Variants in AGPAT4 observed in about 807,000 individuals in gnomAD.
AGPAT4 encodes 1-acyl-sn-glycerol-3-phosphate acyltransferase delta.
Under a neutral mutation model 48.0 loss-of-function variants are expected in AGPAT4, and 15 were observed. The observed-to-expected ratio is 0.31, with a 90% CI of 0.21 to 0.48. The LOEUF is 0.48. Among genes scored for constraint, AGPAT4 ranks in the 20% least tolerant of loss-of-function variants. The pLI, the probability that AGPAT4 is intolerant of heterozygous loss-of-function variation, is 0.99. For missense variants in AGPAT4, 314 were observed against 482.5 expected, an observed-to-expected ratio of 0.65 and a Z score of 3.27; for synonymous variants, 178 against 198.7, an observed-to-expected ratio of 0.90 and a Z score of 0.88.
At chr6:161,209,143 G>T (rs528874257) in intron 2 of AGPAT4, among the ~76,000 whole-genome samples, 1 of 152,186 alleles carries the variant, frequency 6.6e-6, no homozygotes, top group Non-Finnish European at 1.5e-5. Context: ...ATTCCTCATC[G>T]AAGTGGAACT....
chr6:161,261,471 T>C lies in AGPAT4; in HGVS notation c.-90+12467A>G, dbSNP rs1183225498. 1.3e-5 allele frequency among the ~76,000 whole-genome samples: 2 copies of C among 152,162 alleles called. No individual in the cohort carries two copies. Among genetic ancestry groups the C allele is most frequent in the African/African-American group, 4.8e-5 (2 of 41,432 alleles). On this transcript the variant is annotated intron_variant, in intron 1 of 8. Transcript: ENST00000320285. This position sits in a 1 kb window ranked among gnomAD's most constrained non-coding sequence, Gnocchi z 5.3. Reference sequence around the variant, plus strand: ...GGTTAATAAATATCCATAGAATGAATGAACTGAATGGTCAGTCACATTCAC... The same window carrying C: ...GGTTAATAAATATCCATAGAATGAACGAACTGAATGGTCAGTCACATTCAC...
rs769346863 is a variant in AGPAT4, at chr6:161,222,722, G to C, written c.178+9314C>G. Among the ~76,000 whole-genome samples, 5 of 152,162 alleles carry C rather than the reference G, an allele frequency of 3.3e-5. No homozygotes were observed. The highest frequency in any genetic ancestry group is 7.3e-5 in the Non-Finnish European group (5 of 68,036). Reference sequence around the variant, plus strand: ...GGGATGGATACTTGGAGCCCATCTAGTGAGAGGGTCAATGGCTGCAAGTTG... The same window carrying C: ...GGGATGGATACTTGGAGCCCATCTACTGAGAGGGTCAATGGCTGCAAGTTG... On this transcript the variant is annotated intron_variant, in intron 2 of 8. Transcript: ENST00000320285. The surrounding 1 kb of genome is among the most constrained non-coding windows in gnomAD (Gnocchi z 5.9).
At chr6:161,194,635 T>G (rs1781020319) in intron 2 of AGPAT4, among the ~76,000 whole-genome samples, 1 of 151,358 alleles carries the variant, frequency 6.6e-6, no homozygotes, top group Non-Finnish European at 1.5e-5. Context: ...TGTATGTGTA[T>G]GTGTGTATGT....
chr6:161,272,213 CAG>C lies in AGPAT4; in HGVS notation c.-90+1723_-90+1724del, dbSNP rs1461251507. On this transcript the variant is annotated intron_variant, in intron 1 of 8. Transcript: ENST00000320285. This position sits in a 1 kb window ranked among gnomAD's most constrained non-coding sequence, Gnocchi z 4.2. ...ATATTTAGATAAGGATCACAGCAAA[CAG>C]AACCTCACTGAAACCACCCATTCTT... is the stretch of plus-strand genomic sequence containing the variant. 6.7e-6 allele frequency among the ~76,000 whole-genome samples: 1 copy of C among 150,200 alleles called. No individual in the cohort carries two copies. Among genetic ancestry groups the C allele is most frequent in the Admixed American group, 6.6e-5 (1 of 15,150 alleles).
chr6:161,262,022 G>A lies in AGPAT4; in HGVS notation c.-90+11916C>T, dbSNP rs747071547. ...CGAGGGCTGGTGGTGAGGATTATCC[G>A]TAGACCTTTGCCTGGTACATCATCT... is the stretch of plus-strand genomic sequence containing the variant. On this transcript the variant is annotated intron_variant, in intron 1 of 8. Transcript: ENST00000320285. This position sits in a 1 kb window ranked among gnomAD's most constrained non-coding sequence, Gnocchi z 4.9. Among the ~76,000 whole-genome samples, 4 of 152,140 alleles carry A rather than the reference G, an allele frequency of 2.6e-5. No homozygotes were observed. The highest frequency in any genetic ancestry group is 4.8e-5 in the African/African-American group (2 of 41,440).
chr6:161,174,140 G>C (rs113189282), intron 2 of AGPAT4, among the ~76,000 whole-genome samples: 1 of 152,046 alleles, frequency 6.6e-6, no homozygotes, highest in African/African-American at 2.4e-5. Context: ...CTCTTTTTTG[G>C]TTCCATATGA....
rs1781073232 is a variant in AGPAT4 at position 161,196,685 on chromosome 6, T to G, written c.179-30268A>C. ...TTAGCCTGGTGTGATGGTTTGCAGC[T>G]GTAGTCCCAGCTACTTGGGAGGCTG... On this transcript the variant is annotated intron_variant, in intron 2 of 8. Transcript: ENST00000320285. The surrounding 1 kb of genome is among the most constrained non-coding windows in gnomAD (Gnocchi z 4.3). Among the ~76,000 whole-genome samples, 1 of 151,962 alleles carries G rather than the reference T, an allele frequency of 6.6e-6. No homozygotes were observed. Among genetic ancestry groups the G allele is most frequent in the East Asian group, 1.9e-4 (1 of 5,174 alleles).
At position 161,165,314 on chromosome 6, in the gene AGPAT4, C is replaced by T. The variant is rs75486348; in HGVS notation, c.348+934G>A. 8.1e-4 allele frequency among the ~76,000 whole-genome samples: 124 copies of T among 152,302 alleles called. No homozygotes were observed. Among genetic ancestry groups the T allele is most frequent in the African/African-American group, 2.9e-3 (122 of 41,554 alleles). On this transcript the variant is annotated intron_variant, in intron 3 of 8. Coordinates refer to ENST00000320285, the MANE Select transcript of AGPAT4 (RefSeq NM_020133.3). This position sits in a 1 kb window ranked among gnomAD's most constrained non-coding sequence, Gnocchi z 5.5. ...GTGGGCAGGAGGCTATCTTCATCTG[C>T]CTCCAGGAACCAGACCCGTCTAGTT...
chr6:161,211,887 A>G (rs1644677352), intron 2 of AGPAT4, among the ~76,000 whole-genome samples: 1 of 152,186 alleles, frequency 6.6e-6, no homozygotes, highest in South Asian at 2.1e-4. Context: ...CAATCAAAAT[A>G]AACTACATTC....
rs775446570 is a variant in AGPAT4 at position 161,130,847 on chromosome 6, C to G, written c.*5693G>C. On this transcript the variant is annotated 3_prime_UTR_variant, in exon 9 of 9. Coordinates refer to ENST00000320285, the MANE Select transcript of AGPAT4 (RefSeq NM_020133.3). ...AAGTCTGAGCCATCCCGTACTAGTT[C>G]ATCAACTTTCCTTCCTCATGATCTG... The G allele has an allele frequency of 3.9e-6, 2 of 518,926 alleles. No homozygotes were observed. Among genetic ancestry groups the G allele is most frequent in the Admixed American group, 3.9e-5 (2 of 51,584 alleles). 32.1% of individuals were successfully genotyped at this position (518,926 alleles called of 1,614,324 possible). A position where few individuals can be genotyped will look rare whatever the true frequency, so the allele number is the denominator to read the frequency against.
chr6:161,163,286 G>A (rs1227959494), intron 3 of AGPAT4, among the ~76,000 whole-genome samples: 1 of 152,146 alleles, frequency 6.6e-6, no homozygotes, highest in South Asian at 2.1e-4. Context: ...AAAAATGCCT[G>A]GTCAGGAACC....
intron 5 of AGPAT4, among the ~76,000 whole-genome samples, chr6:161,151,710 C>T (rs1779596594): frequency 6.6e-6 from 1 of 152,236 alleles, no homozygotes; most frequent in South Asian, 2.1e-4. Flanking sequence ...GAGACAAGGT[C>T]ACTTGCCCAG....
chr6:161,262,549 A>G lies in AGPAT4; in HGVS notation c.-90+11389T>C, dbSNP rs1411753649. Among the ~76,000 whole-genome samples the G allele has an allele frequency of 6.6e-6, 1 of 152,016 alleles. No homozygotes were observed. The highest frequency in any genetic ancestry group is 2.4e-5 in the African/African-American group (1 of 41,388). ...TTGCTTGTCCCTGGGCAAAGTCCCC[A>G]GCCTAGAGTTCCTCCTTCCACATCT... On this transcript the variant is annotated intron_variant, in intron 1 of 8. Coordinates refer to ENST00000320285, the MANE Select transcript of AGPAT4 (RefSeq NM_020133.3). The surrounding 1 kb of genome is among the most constrained non-coding windows in gnomAD (Gnocchi z 4.9).
At position 161,146,843 on chromosome 6, in the gene AGPAT4, CTGTGAGA is replaced by C. The variant is rs1168944981; in HGVS notation, c.768-251_768-245del. On this transcript the variant is annotated intron_variant, in intron 6 of 8. Transcript: ENST00000320285. This position sits in a 1 kb window ranked among gnomAD's most constrained non-coding sequence, Gnocchi z 7.1. Reference sequence around the variant, plus strand: ...GCCAATTCAATGGCACAGACAGATGCTGTGAGAACAGGGGACACCTGCCTCATTCCGT... The same window carrying C: ...GCCAATTCAATGGCACAGACAGATGCACAGGGGACACCTGCCTCATTCCGT... Among the ~76,000 whole-genome samples, 1 of 152,150 alleles carries C rather than the reference CTGTGAGA, an allele frequency of 6.6e-6. No individual in the cohort carries two copies.
At chr6:161,173,184 T>G (rs575147344) in intron 2 of AGPAT4, among the ~76,000 whole-genome samples, 21 of 152,196 alleles carry the variant, frequency 1.4e-4, no homozygotes, top group Admixed American at 1.0e-3. Context: ...GGGTCAAATG[T>G]TATTTCTAGT....
At chr6:161,248,027 G>A (rs1229266349) in intron 1 of AGPAT4, among the ~76,000 whole-genome samples, 4 of 144,332 alleles carry the variant, frequency 2.8e-5, no homozygotes, top group African/African-American at 1.0e-4. Flanking sequence ...ACAGCAATTA[G>A]GCAAGAGAAA....
Position 161,270,078 on chromosome 6 carries a change from A to G in AGPAT4, c.-90+3860T>C, listed in dbSNP as rs1783379382. 6.6e-6 allele frequency among the ~76,000 whole-genome samples: 1 copy of G among 152,244 alleles called. No homozygotes were observed. The highest frequency in any genetic ancestry group is 1.5e-5 in the Non-Finnish European group (1 of 68,048). ...TTAAGATATTTCCTCTTATTCAGTC[A>G]TTAGAAGAAAATGGGTATCTGCCAG... On this transcript the variant is annotated intron_variant, in intron 1 of 8. Coordinates refer to ENST00000320285, the MANE Select transcript of AGPAT4 (RefSeq NM_020133.3). This position sits in a 1 kb window ranked among gnomAD's most constrained non-coding sequence, Gnocchi z 5.3.
rs1353947645 is a variant in AGPAT4 at position 161,255,605 on chromosome 6, G to T, written c.-90+18333C>A. Reference sequence around the variant, plus strand: ...AATGAACCTCAAAAACATGTTATATGAAAGAAACCCGTCACAAAACACCAC... The same window carrying T: ...AATGAACCTCAAAAACATGTTATATTAAAGAAACCCGTCACAAAACACCAC... On this transcript the variant is annotated intron_variant, in intron 1 of 8. Coordinates refer to ENST00000320285, the MANE Select transcript of AGPAT4 (RefSeq NM_020133.3). The surrounding 1 kb of genome is among the most constrained non-coding windows in gnomAD (Gnocchi z 4.7). Among the ~76,000 whole-genome samples the T allele has an allele frequency of 6.6e-6, 1 of 152,068 alleles. No homozygotes were observed. Among genetic ancestry groups the T allele is most frequent in the Non-Finnish European group, 1.5e-5 (1 of 68,020 alleles).
At chr6:161,253,804 T>C (rs1180397222) in intron 1 of AGPAT4, among the ~76,000 whole-genome samples, 1 of 152,206 alleles carries the variant, frequency 6.6e-6, no homozygotes, top group Non-Finnish European at 1.5e-5. Context: ...TTTTGAAATG[T>C]TACATATCTA....
Sources: gnomAD v4.1 joint callset for allele counts (sites outside exome capture counted in the v4.1 genomes callset) on GRCh38, gnomAD v4.1.1 for gene constraint, Gnocchi (gnomAD v3.1) non-coding constraint, MANE v1.5 for transcripts, NCBI Gene and HGNC (gene_info 2026-07-23, HGNC 2026-07-21) for gene names.